PTPRT: variants seen among roughly 807,000 people sequenced by gnomAD.
PTPRT encodes the protein protein tyrosine phosphatase receptor type T, also known as receptor-type tyrosine-protein phosphatase T.
A neutral mutation model predicts 176.8 loss-of-function variants in PTPRT; 56 were observed. That is an observed-to-expected ratio of 0.32 (90% CI 0.26 to 0.40). PTPRT has a LOEUF of 0.40. PTPRT is among the 10% of genes least tolerant of loss of function. The probability of loss-of-function intolerance (pLI) is 1.00; values close to 1 mark genes in which losing one functional copy is unlikely to be tolerated. For synonymous variants in PTPRT, 783 were observed against 739.0 expected (o/e 1.06, Z -0.96); for missense variants, 1,540 against 1,908.2 (o/e 0.81, Z 3.60).
chr20:42,099,550 G>C (rs557107454), intron 26 of PTPRT, among the ~76,000 whole-genome samples: 2 of 71,254 alleles, frequency 2.8e-5, no homozygotes, highest in Admixed American at 1.4e-4. Context: ...CCTGGGCGGG[G>C]GGGGGGGGGG....
intron 3 of PTPRT, among the ~76,000 whole-genome samples, chr20:42,790,234 A>C (rs548662229): frequency 4.9e-4 from 74 of 152,278 alleles, no homozygotes; most frequent in Admixed American, 1.6e-3. Flanking sequence ...TAAAAAAAAA[A>C]AAAACAAAAC....
intron 30 of PTPRT, 45 bp downstream of exon 30, chr20:42,081,837 A>G: frequency 1.2e-6 from 2 of 1,604,616 alleles, no homozygotes; most frequent in Non-Finnish European, 1.7e-6. Flanking sequence ...GGTCAAGGGA[A>G]CTAGTCAGCC....
At chr20:42,879,278 C>T (rs557234503) in intron 2 of PTPRT, among the ~76,000 whole-genome samples, 1 of 152,254 alleles carries the variant, frequency 6.6e-6, no homozygotes, top group South Asian at 2.1e-4. Flanking sequence ...GCCACGTTGT[C>T]TCCAAAAGCT....
At chr20:42,527,217 C>T (rs1186346389) in intron 7 of PTPRT, among the ~76,000 whole-genome samples, 1 of 152,060 alleles carries the variant, frequency 6.6e-6, no homozygotes, top group African/African-American at 2.4e-5. Context: ...CCTGCCTCGG[C>T]CTCCCAAAGT....
intron 12 of PTPRT, among the ~76,000 whole-genome samples, chr20:42,288,674 T>A (rs1459000513): frequency 6.6e-6 from 1 of 152,046 alleles, no homozygotes; most frequent in Non-Finnish European, 1.5e-5. Flanking sequence ...GGTACATCCA[T>A]GTTGCTGCAG....
intron 1 of PTPRT, chr20:43,063,535 C>T (rs755148): frequency 0.17 from 25,259 of 152,066 alleles, 2,337 homozygotes; most frequent in Admixed American, 0.31. Flanking sequence ...CCAATATCTG[C>T]GCTCCCCTGA....
intron 9 of PTPRT, among the ~76,000 whole-genome samples, chr20:42,444,377 T>C (rs1301791186): frequency 1.3e-5 from 2 of 152,210 alleles, no homozygotes; most frequent in African/African-American, 4.8e-5. Context: ...TCTTACCCAG[T>C]TGAAGCCAAG....
chr20:43,042,554 G>C (rs770078602), intron 1 of PTPRT, among the ~76,000 whole-genome samples: 5 of 152,052 alleles, frequency 3.3e-5, no homozygotes, highest in Admixed American at 6.5e-5. Flanking sequence ...CCCCCTTGGT[G>C]ACCTTAGAAT....
intron 17 of PTPRT, among the ~76,000 whole-genome samples, chr20:42,158,561 C>A (rs1486074436): frequency 6.6e-6 from 1 of 152,084 alleles, no homozygotes; most frequent in African/African-American, 2.4e-5. Context: ...CTTTTATCTG[C>A]AATAGGACAA....
At chr20:42,130,471 A>G (rs1180728689) in intron 18 of PTPRT, among the ~76,000 whole-genome samples, 1 of 152,078 alleles carries the variant, frequency 6.6e-6, no homozygotes, top group East Asian at 1.9e-4. Context: ...CTTCTCTCCA[A>G]TCTCCCAGTG....
intron 1 of PTPRT, among the ~76,000 whole-genome samples, chr20:43,158,434 T>C (rs780903182): frequency 5.3e-5 from 8 of 152,202 alleles, no homozygotes; most frequent in Non-Finnish European, 8.8e-5. Flanking sequence ...GTACTGGAGA[T>C]ACAAATTCGG....
intron 6 of PTPRT, among the ~76,000 whole-genome samples, chr20:42,694,040 C>CTTT (rs56156122): frequency 4.3e-5 from 6 of 138,432 alleles, no homozygotes; most frequent in African/African-American, 1.3e-4. Context: ...ATTTTATTTT[C>CTTT]TTTTTTTTTT....
chr20:42,784,536 A>T (rs1330355288), intron 3 of PTPRT, among the ~76,000 whole-genome samples: 2 of 152,138 alleles, frequency 1.3e-5, no homozygotes, highest in African/African-American at 4.8e-5. Context: ...TGGGATGGGT[A>T]AGGAAGCAGA....
At chr20:42,951,313 G>A (rs2146017436) in intron 1 of PTPRT, among the ~76,000 whole-genome samples, 1 of 151,916 alleles carries the variant, frequency 6.6e-6, no homozygotes, top group South Asian at 2.1e-4. Context: ...ATGAGTAGAT[G>A]GGGGATGAGT....
chr20:42,135,226 TG>T (rs1384594772), intron 18 of PTPRT, among the ~76,000 whole-genome samples: 1 of 152,256 alleles, frequency 6.6e-6, no homozygotes, highest in Non-Finnish European at 1.5e-5. Flanking sequence ...CCTGAGCCTC[TG>T]TTTACCCAGC....
intron 11 of PTPRT, among the ~76,000 whole-genome samples, chr20:42,322,246 T>C (rs966804478): frequency 2.0e-5 from 3 of 150,834 alleles, no homozygotes; most frequent in Non-Finnish European, 2.9e-5. Flanking sequence ...CTTCACAGAA[T>C]TGGAAAAAAC....
At chr20:42,798,620 G>C (rs2077485907) in intron 2 of PTPRT, among the ~76,000 whole-genome samples, 1 of 151,664 alleles carries the variant, frequency 6.6e-6, no homozygotes, top group Admixed American at 6.6e-5. Context: ...GAACTTAATG[G>C]ATATATAATA....
chr20:42,624,046 A>C (rs964322041), intron 7 of PTPRT, among the ~76,000 whole-genome samples: 5 of 151,982 alleles, frequency 3.3e-5, no homozygotes, highest in Middle Eastern at 3.4e-3. Flanking sequence ...ACCCTGCTGA[A>C]CTCAGATTCT....
At chr20:43,045,454 C>CTTTTT (rs1177406632) in intron 1 of PTPRT, among the ~76,000 whole-genome samples, 5 of 119,342 alleles carry the variant, frequency 4.2e-5, no homozygotes, top group African/African-American at 4.3e-5. Flanking sequence ...TTCTTTTTTT[C>CTTTTT]ATTTTTTTTT....
Sources: gnomAD v4.1 joint callset for allele counts (sites outside exome capture counted in the v4.1 genomes callset) on GRCh38, gnomAD v4.1.1 for gene constraint, MANE v1.5 for transcripts, NCBI Gene and HGNC (gene_info 2026-07-23, HGNC 2026-07-21) for gene names.